Variants in BTBD9 observed in about 807,000 individuals in gnomAD.
BTBD9 encodes the protein BTB/POZ domain-containing protein 9.
Under a neutral mutation model 64.3 loss-of-function variants are expected in BTBD9, and 49 were observed. That is an observed-to-expected ratio of 0.76 (90% confidence interval 0.61 to 0.97). BTBD9 has a LOEUF of 0.97. Among genes scored for constraint, BTBD9 ranks in the 50% least tolerant of loss-of-function variants. The pLI, the probability that BTBD9 is intolerant of heterozygous loss-of-function variation, is 0.00. For synonymous variants in BTBD9, 260 were observed against 274.7 expected (o/e 0.95, Z 0.53); for missense variants, 598 against 762.1 (o/e 0.78, Z 2.53).
intron 6 of BTBD9, among the ~76,000 whole-genome samples, chr6:38,514,890 G>A (rs565800279): frequency 6.6e-6 from 1 of 152,262 alleles, no homozygotes; most frequent in East Asian, 1.9e-4. Flanking sequence ...TTTTACAAGT[G>A]ACCTCTGGTT....
At chr6:38,557,146 G>A (rs988091247) in intron 6 of BTBD9, among the ~76,000 whole-genome samples, 3 of 141,866 alleles carry the variant, frequency 2.1e-5, no homozygotes. Flanking sequence ...GGGAGTTTGA[G>A]AACAGTCTGG....
chr6:38,384,044 C>A (rs1306547590), intron 6 of BTBD9, among the ~76,000 whole-genome samples: 1 of 152,016 alleles, frequency 6.6e-6, no homozygotes, highest in Non-Finnish European at 1.5e-5. Context: ...GCATAGGGCT[C>A]GGTGGGAAAA....
chr6:38,534,914 T>C (rs1326398602), intron 6 of BTBD9, among the ~76,000 whole-genome samples: 1 of 152,132 alleles, frequency 6.6e-6, no homozygotes, highest in African/African-American at 2.4e-5. Context: ...ACTAGTATCA[T>C]ACTGAATGAG....
At position 38,404,357 on chromosome 6, in the gene BTBD9, TGA is replaced by T. The variant is rs147204717; in HGVS notation, c.1155-59266_1155-59265del. Among the ~76,000 whole-genome samples the T allele has an allele frequency of 2.1e-3, 323 of 152,296 alleles. 1 individual carries two copies. Among genetic ancestry groups the T allele is most frequent in the African/African-American group, 6.7e-3 (280 of 41,566 alleles). ...CTTCATTTACCATAGCATGATTTTG[TGA>T]GTCTTTAATATCTTCAAACAGTAGT... is the stretch of plus-strand genomic sequence containing the variant. On this transcript the variant is annotated intron_variant, in intron 6 of 10. Transcript: ENST00000481247.
At chr6:38,327,058 G>T (rs529106836) in intron 7 of BTBD9, among the ~76,000 whole-genome samples, 1 of 152,110 alleles carries the variant, frequency 6.6e-6, no homozygotes, top group South Asian at 2.1e-4. Flanking sequence ...GTCATTACAG[G>T]GGCAGAATTG....
chr6:38,584,233 CAGG>C, intron 4 of BTBD9, among the ~76,000 whole-genome samples: 1 of 152,244 alleles, frequency 6.6e-6, no homozygotes, highest in African/African-American at 2.4e-5. Context: ...GCAGCCAAGG[CAGG>C]AGAATCACTT....
chr6:38,508,316 C>T (rs542502411), intron 6 of BTBD9, among the ~76,000 whole-genome samples: 1 of 152,106 alleles, frequency 6.6e-6, no homozygotes, highest in South Asian at 2.1e-4. Context: ...TGAATGGTAC[C>T]TCCATCCCTC....
intron 6 of BTBD9, among the ~76,000 whole-genome samples, chr6:38,494,506 G>A (rs998491093): frequency 6.6e-6 from 1 of 152,214 alleles, no homozygotes; most frequent in African/African-American, 2.4e-5. Flanking sequence ...GAATTCTTAA[G>A]TGTTAAAATC....
chr6:38,182,818 T>G (rs973908134), intron 10 of BTBD9, among the ~76,000 whole-genome samples: 14 of 152,322 alleles, frequency 9.2e-5, no homozygotes, highest in African/African-American at 3.4e-4. Context: ...CCAGGCCAGT[T>G]GAGGATGGAG....
intron 6 of BTBD9, among the ~76,000 whole-genome samples, chr6:38,428,850 C>T (rs1009237085): frequency 4.6e-5 from 7 of 151,032 alleles, no homozygotes; most frequent in Non-Finnish European, 7.4e-5. Context: ...GTAGCTGGGA[C>T]TACAGGCGCC....
At chr6:38,290,226 T>C (rs924439598) in intron 7 of BTBD9, among the ~76,000 whole-genome samples, 1 of 150,488 alleles carries the variant, frequency 6.6e-6, no homozygotes. Flanking sequence ...ATTATGAAGC[T>C]TAATTCCAAA....
intron 9 of BTBD9, among the ~76,000 whole-genome samples, chr6:38,212,156 A>G (rs1421174444): frequency 6.6e-6 from 1 of 152,202 alleles, no homozygotes; most frequent in African/African-American, 2.4e-5. Context: ...CTTGGTGGCC[A>G]GGAGAATGTT....
At position 38,222,374 on chromosome 6, in the gene BTBD9, C is replaced by T. The variant is rs575595559; in HGVS notation, c.1563-29777G>A. 5.4e-5 allele frequency among the ~76,000 whole-genome samples: 8 copies of T among 148,342 alleles called. No individual in the cohort carries two copies. In the East Asian group the frequency reaches 1.7e-3, roughly 32 times the overall value. On this transcript the variant is annotated intron_variant, in intron 9 of 10. Coordinates refer to ENST00000481247, the MANE Select transcript of BTBD9 (RefSeq NM_001099272.2). ...CTCCCGGGTTCACGCCATTCTCCTG[C>T]CTCAGCCTCCCGAGTAGCTGGGACT...
chr6:38,560,422 T>C (rs1775215176), intron 6 of BTBD9, among the ~76,000 whole-genome samples: 1 of 152,206 alleles, frequency 6.6e-6, no homozygotes, highest in African/African-American at 2.4e-5. Context: ...CAGAAATCGA[T>C]AAAATGTTTT....
intron 6 of BTBD9, among the ~76,000 whole-genome samples, chr6:38,570,268 C>T (rs1775703795): frequency 6.6e-6 from 1 of 152,146 alleles, no homozygotes; most frequent in Non-Finnish European, 1.5e-5. Flanking sequence ...GTAGTAAGAG[C>T]TTCTTCAGGG....
chr6:38,216,001 C>G (rs191689364), intron 9 of BTBD9, among the ~76,000 whole-genome samples: 2 of 152,176 alleles, frequency 1.3e-5, no homozygotes, highest in Admixed American at 6.5e-5. Context: ...TATCAATTTT[C>G]GGGTTCTGAG....
intron 6 of BTBD9, among the ~76,000 whole-genome samples, chr6:38,407,751 T>C (rs939747827): frequency 2.6e-5 from 4 of 152,194 alleles, no homozygotes; most frequent in African/African-American, 7.2e-5. Context: ...TGTTTTCCTA[T>C]GTTCATGACT....
chr6:38,263,531 T>G (rs776028117), intron 8 of BTBD9, among the ~76,000 whole-genome samples: 1 of 152,200 alleles, frequency 6.6e-6, no homozygotes, highest in Non-Finnish European at 1.5e-5. Context: ...CAGATTTCCT[T>G]TCTCAAAAAT....
At chr6:38,179,719 C>G in intron 10 of BTBD9, 2 of 456,750 alleles carry the variant, frequency 4.4e-6, no homozygotes, top group Non-Finnish European at 8.8e-6. Flanking sequence ...CTGGACTGTT[C>G]CACTGTATCA....
Sources: allele counts gnomAD v4.1 joint callset (sites outside exome capture counted in the v4.1 genomes callset), GRCh38; gene constraint gnomAD v4.1.1; transcripts MANE v1.5; gene names NCBI Gene and HGNC (gene_info 2026-07-23, HGNC 2026-07-21).